Variants in LDLRAD3 observed in about 807,000 individuals in gnomAD.
LDLRAD3 encodes low density lipoprotein receptor class A domain containing 3, also known as low-density lipoprotein receptor class A domain-containing protein 3.
Under a neutral mutation model 29.4 loss-of-function variants are expected in LDLRAD3, and 20 were observed. The observed-to-expected ratio is 0.68, with a 90% CI of 0.48 to 0.99. LDLRAD3 has a LOEUF of 0.99. Ranked by LOEUF, LDLRAD3 falls within the 50% of genes least tolerant of loss-of-function variation. LDLRAD3 has a pLI of 0.00. For missense variants in LDLRAD3, 420 were observed against 454.3 expected (o/e 0.92, Z 0.69); for synonymous variants, 157 against 192.7 (o/e 0.81, Z 1.53).
chr11:36,148,446 C>G (rs770245943), intron 4 of LDLRAD3, among the ~76,000 whole-genome samples: 1 of 152,102 alleles, frequency 6.6e-6, no homozygotes, highest in Non-Finnish European at 1.5e-5. Flanking sequence ...TTTTCTATTC[C>G]CTAACGAGGA....
In LDLRAD3 at chr11:36,081,663, G is replaced by C. The variant is rs752004332; in HGVS notation, c.204G>C (p.Lys68Asn). The change falls in exon 3 of 6, where the codon AAG (lysine) becomes AAC (asparagine). Residue 68 changes from lysine to asparagine, a missense_variant. Physicochemically the swap from Lys to Asn is moderately conservative, Grantham distance 94. Around this residue, in one of 3 missense-constraint regions of LDLRAD3, gnomAD observed 224 missense variants for 222.2 expected, o/e 1.01. Coordinates refer to ENST00000315571, the MANE Select transcript of LDLRAD3 (RefSeq NM_174902.4). ...KSDEKECPKA[K>N]SKCGPTFFPC... is the part of the protein sequence containing the mutation. ...TTTTTCTTCCTGCAGCCAAGGCTAA[G>C]TCGAAATGTGGCCCAACCTTCTTCC... The C allele has an allele frequency of 4.3e-6, 7 of 1,614,252 alleles. No individual in the cohort carries two copies. In the Admixed American group the frequency reaches 1.2e-4, roughly 27 times the overall value.
At chr11:36,218,614 T>C (rs2133387094) in intron 4 of LDLRAD3, among the ~76,000 whole-genome samples, 1 of 152,268 alleles carries the variant, frequency 6.6e-6, no homozygotes, top group South Asian at 2.1e-4. Context: ...GGTTGCTTGA[T>C]GTGGACAGAG....
intron 4 of LDLRAD3, among the ~76,000 whole-genome samples, chr11:36,165,106 G>C (rs1265615659): frequency 6.6e-6 from 1 of 152,134 alleles, no homozygotes; most frequent in Non-Finnish European, 1.5e-5. Flanking sequence ...CTAGGCAATG[G>C]AGGCTTTTTG....
At chr11:36,075,378 G>A (rs1169002515) in intron 2 of LDLRAD3, among the ~76,000 whole-genome samples, 2 of 152,096 alleles carry the variant, frequency 1.3e-5, no homozygotes, top group African/African-American at 4.8e-5. Flanking sequence ...CATTGAATCT[G>A]TGTGGGCTTG....
intron 4 of LDLRAD3, among the ~76,000 whole-genome samples, chr11:36,178,805 C>G (rs1299766949): frequency 1.3e-5 from 2 of 152,230 alleles, no homozygotes; most frequent in African/African-American, 2.4e-5. Flanking sequence ...CCCATCCCTC[C>G]TGCCTTTGAA....
At chr11:36,071,406 T>G (rs1852899603) in intron 2 of LDLRAD3, among the ~76,000 whole-genome samples, 2 of 134,342 alleles carry the variant, frequency 1.5e-5, no homozygotes, top group African/African-American at 5.5e-5. Context: ...CAGTTATACT[T>G]TCACGAGATA....
intron 4 of LDLRAD3, among the ~76,000 whole-genome samples, chr11:36,143,881 C>T (rs1007774194): frequency 1.3e-5 from 2 of 151,738 alleles, no homozygotes; most frequent in Admixed American, 6.6e-5. Context: ...CAAATGCAGT[C>T]GCATTCTAAA....
intron 4 of LDLRAD3, among the ~76,000 whole-genome samples, chr11:36,221,589 C>A (rs1374378138): frequency 6.6e-6 from 1 of 152,016 alleles, no homozygotes; most frequent in Non-Finnish European, 1.5e-5. Context: ...TCGCTTGAGC[C>A]TAAGAGTTCA....
intron 4 of LDLRAD3, among the ~76,000 whole-genome samples, chr11:36,100,915 A>G (rs1267676576): frequency 6.6e-6 from 1 of 152,154 alleles, no homozygotes; most frequent in Non-Finnish European, 1.5e-5. Flanking sequence ...GCTTGCCCTT[A>G]AGAAGAATGG....
At chr11:36,008,295 T>C (rs1378844010) in intron 1 of LDLRAD3, among the ~76,000 whole-genome samples, 1 of 152,124 alleles carries the variant, frequency 6.6e-6, no homozygotes, top group Non-Finnish European at 1.5e-5. Context: ...CCTGAAAATG[T>C]GGATTAGATA....
At chr11:36,009,448 C>T (rs1352471238) in intron 1 of LDLRAD3, among the ~76,000 whole-genome samples, 3 of 152,148 alleles carry the variant, frequency 2.0e-5, no homozygotes, top group Admixed American at 6.5e-5. Flanking sequence ...GAAGACAGTC[C>T]TGTATTATTT....
intron 4 of LDLRAD3, among the ~76,000 whole-genome samples, chr11:36,125,306 T>C (rs1853819712): frequency 6.6e-6 from 1 of 152,184 alleles, no homozygotes; most frequent in African/African-American, 2.4e-5. Context: ...AAATTCCAGC[T>C]CTGCCACTTA....
rs555746089 is a variant in LDLRAD3, at chr11:36,096,334, C to T, written c.320-1993C>T. Among the ~76,000 whole-genome samples the T allele has an allele frequency of 1.4e-4, 21 of 152,322 alleles. 1 individual carries two copies. The South Asian group carries it at 4.1e-3, about 30-fold the overall frequency. On this transcript the variant is annotated intron_variant, in intron 3 of 5. Coordinates refer to ENST00000315571, the MANE Select transcript of LDLRAD3 (RefSeq NM_174902.4). Reference sequence around the variant, plus strand: ...GAGTAGATTACAACTGCCATCTTGCCGTTGAGGACCACAGAGAGACGCTAG... The same window carrying T: ...GAGTAGATTACAACTGCCATCTTGCTGTTGAGGACCACAGAGAGACGCTAG...
intron 1 of LDLRAD3, among the ~76,000 whole-genome samples, chr11:35,978,201 A>G (rs1851498169): frequency 6.6e-6 from 1 of 152,210 alleles, no homozygotes; most frequent in African/African-American, 2.4e-5. Flanking sequence ...AGGATGTCTA[A>G]TTCACATTTT....
chr11:35,951,472 C>T lies in LDLRAD3; in HGVS notation c.46+7328C>T, dbSNP rs192202050. Among the ~76,000 whole-genome samples the T allele has an allele frequency of 5.4e-3, 829 of 152,318 alleles. 7 individuals carry two copies. The highest frequency in any genetic ancestry group is 7.9e-3 in the Non-Finnish European group (537 of 68,024). On this transcript the variant is annotated intron_variant, in intron 1 of 5. Coordinates refer to ENST00000315571, the MANE Select transcript of LDLRAD3 (RefSeq NM_174902.4). ...TCCCAAGCAATTTGGCAGTTTCCCT[C>T]ACCTTCCCTTGCTTTGCTCGGCTCT...
At chr11:36,163,010 A>G (rs1300397209) in intron 4 of LDLRAD3, among the ~76,000 whole-genome samples, 4 of 152,252 alleles carry the variant, frequency 2.6e-5, no homozygotes. Flanking sequence ...AAGCAGTTAA[A>G]ACAAAGATCT....
chr11:36,152,329 A>T (rs2133328828), intron 4 of LDLRAD3, among the ~76,000 whole-genome samples: 1 of 152,382 alleles, frequency 6.6e-6, no homozygotes, highest in Non-Finnish European at 1.5e-5. Flanking sequence ...AAAGACCATT[A>T]GAGGTTTATC....
chr11:36,207,296 G>A (rs1369303796), intron 4 of LDLRAD3, among the ~76,000 whole-genome samples: 1 of 152,182 alleles, frequency 6.6e-6, no homozygotes. Flanking sequence ...AGAGCAGGTA[G>A]CTAAGATGGA....
chr11:35,992,153 G>T (rs114379217), intron 1 of LDLRAD3, among the ~76,000 whole-genome samples: 1,644 of 152,218 alleles, frequency 0.011, 34 homozygotes, highest in African/African-American at 0.037. Context: ...GAAATGACTG[G>T]TTTTTCAAGA....
Sources: allele counts gnomAD v4.1 joint callset (sites outside exome capture counted in the v4.1 genomes callset), GRCh38; gene constraint gnomAD v4.1.1; regional missense constraint gnomAD v4.1.1; transcripts MANE v1.5; gene names NCBI Gene and HGNC (gene_info 2026-07-23, HGNC 2026-07-21).